The following MRM2 variants were observed in gnomAD, a reference collection of about 807,000 sequenced individuals.
MRM2 encodes the protein rRNA methyltransferase 2, mitochondrial.
A neutral mutation model predicts 10.9 loss-of-function variants in MRM2; 15 were observed. That is an observed-to-expected ratio of 1.37 (90% CI 0.92 to 2.11). The LOEUF (loss-of-function observed/expected upper bound fraction) is 2.11, where lower values mean the gene tolerates loss of function less well. Among genes scored for constraint, MRM2 ranks in the 30% most tolerant of loss-of-function variants. The probability of loss-of-function intolerance (pLI) is 0.00; values close to 1 mark genes in which losing one functional copy is unlikely to be tolerated. For missense variants in MRM2, 328 were observed against 321.3 expected, an observed-to-expected ratio of 1.02 and a Z score of -0.16; for synonymous variants, 139 against 128.7, an observed-to-expected ratio of 1.08 and a Z score of -0.54.
In MRM2 at chr7:2,242,188, C is replaced by A; in HGVS notation, c.-19G>T. On this transcript the variant is annotated 5_prime_UTR_variant, in exon 1 of 3. Transcript: ENST00000242257. ...CCGCCATTGGTGTTCCCCGCGCCTG[C>A]AGCGCGCCGCCGGAAGTGCCTGGCC... is the stretch of plus-strand genomic sequence containing the variant. 2 of 1,576,582 alleles carry A rather than the reference C, an allele frequency of 1.3e-6. No individual in the cohort carries two copies. Among genetic ancestry groups the A allele is most frequent in the Non-Finnish European group, 1.7e-6 (2 of 1,167,030 alleles).
intron 1 of MRM2, 43 bp downstream of exon 1, chr7:2,242,119 C>T (rs117572262): frequency 0.038 from 59,249 of 1,579,684 alleles, 1,342 homozygotes; most frequent in South Asian, 0.059. Context: ...GGACCCCCAA[C>T]CACTCCCGCT....
rs552243954 is a variant in MRM2 at position 2,234,295 on chromosome 7, T to C, written c.*827A>G. The stretch of plus-strand genomic sequence containing the variant: ...ATAAACACACCACATCACTGCTTGC[T>C]TTGGCAATTACATTTATGTTCTTGG... On this transcript the variant is annotated 3_prime_UTR_variant, in exon 3 of 3. Transcript: ENST00000242257. 6.6e-6 allele frequency: 1 copy of C among 152,362 alleles called. No individual in the cohort carries two copies. Among genetic ancestry groups the C allele is most frequent in the Admixed American group, 6.5e-5 (1 of 15,302 alleles). The allele number at this position is 152,362 out of a possible 1,614,324, so 9.4% of individuals were successfully genotyped here. A position where few individuals can be genotyped will look rare whatever the true frequency, so the allele number is the denominator to read the frequency against.
chr7:2,239,570 A>T lies in MRM2; in HGVS notation c.146T>A (p.Val49Glu), dbSNP rs747684401. The change falls in exon 2 of 3, where the codon GTG (valine) becomes GAG (glutamate). Residue 49 changes from valine to glutamate, a missense_variant. By Grantham distance (121) the Val-to-Glu change is moderately radical. Transcript: ENST00000242257. ...LRDPFVKAAKVESYRCRSAFK... is the reference protein window; with the variant it reads ...LRDPFVKAAKEESYRCRSAFK... ...GGCGCTTCGACACCGGTAACTCTCCACCTTCGCAGCCTTCACAAATGGGTC... is the reference window on the plus strand; with the variant it reads ...GGCGCTTCGACACCGGTAACTCTCCTCCTTCGCAGCCTTCACAAATGGGTC... The T allele has an allele frequency of 6.2e-7, 1 of 1,613,918 alleles. No individual in the cohort carries two copies. The highest frequency in any genetic ancestry group is 1.1e-5 in the South Asian group (1 of 91,076).
At chr7:2,236,987 T>C (rs1009573006) in intron 2 of MRM2, among the ~76,000 whole-genome samples, 1 of 152,178 alleles carries the variant, frequency 6.6e-6, no homozygotes, top group African/African-American at 2.4e-5. Context: ...TTTAGCAAAC[T>C]GGTGTTACTC....
At chr7:2,237,556 G>A (rs531404439) in intron 2 of MRM2, among the ~76,000 whole-genome samples, 2 of 152,254 alleles carry the variant, frequency 1.3e-5, no homozygotes, top group South Asian at 2.1e-4. Flanking sequence ...AGGACTCCAC[G>A]GTGATAAGCT....
chr7:2,237,249 T>C (rs1400197723), intron 2 of MRM2, among the ~76,000 whole-genome samples: 1 of 152,332 alleles, frequency 6.6e-6, no homozygotes, highest in Non-Finnish European at 1.5e-5. Context: ...ATCCTCCCCT[T>C]GGCCTCCCAA....
In MRM2 at chr7:2,242,149, G is replaced by A. The variant is rs1171394005; in HGVS notation, c.8+13C>T. 17 of 1,583,216 alleles carry A rather than the reference G, an allele frequency of 1.1e-5. No homozygotes were observed. The highest frequency in any genetic ancestry group is 1.5e-5 in the Non-Finnish European group (17 of 1,168,824). Reference sequence around the variant, plus strand: ...CCCGCTGTCTGCACGCGCAGCAGCAGCGCCCAGCTCACCCCGCCATTGGTG... The same window carrying A: ...CCCGCTGTCTGCACGCGCAGCAGCAACGCCCAGCTCACCCCGCCATTGGTG... On this transcript the variant is annotated intron_variant, in intron 1 of 2. Coordinates refer to ENST00000242257, the MANE Select transcript of MRM2 (RefSeq NM_013393.3).
chr7:2,239,558 C>T lies in MRM2; in HGVS notation c.158G>A (p.Arg53Gln), dbSNP rs765932500. The change falls in exon 2 of 3, where the codon CGG becomes CAG. Residue 53 changes from arginine (R) to glutamine (Q), a missense_variant. Physicochemically the swap from Arg to Gln is conservative, Grantham distance 43 (BLOSUM62 1). Transcript: ENST00000242257. Reference sequence around the variant, plus strand: ...CAGGAGCTTGAAGGCGCTTCGACACCGGTAACTCTCCACCTTCGCAGCCTT... The same window carrying T: ...CAGGAGCTTGAAGGCGCTTCGACACTGGTAACTCTCCACCTTCGCAGCCTT... Reference protein sequence around the residue: ...FVKAAKVESYRCRSAFKLLEV... With the variant: ...FVKAAKVESYQCRSAFKLLEV... 1.1e-5 allele frequency: 18 copies of T among 1,613,922 alleles called. No individual in the cohort carries two copies. In the African/African-American group the frequency reaches 1.2e-4, roughly 11 times the overall value.
rs929019706 is a variant in MRM2 at position 2,234,262 on chromosome 7, A to C, written c.*860T>G. 6.6e-6 allele frequency: 1 copy of C among 152,220 alleles called. No individual in the cohort carries two copies. 9.4% of individuals were successfully genotyped at this position (152,220 alleles called of 1,614,324 possible). A position where few individuals can be genotyped will look rare whatever the true frequency, so the allele number is the denominator to read the frequency against. ...AGCTGCGTCAAGTTCCTAGATGAGT[A>C]AAAGAAAATAAACACACCACATCAC... On this transcript the variant is annotated 3_prime_UTR_variant, in exon 3 of 3. Transcript: ENST00000242257.
Position 2,239,684 on chromosome 7 carries a change from GA to G in MRM2, c.31del (p.Ser11ProfsTer25), listed in dbSNP as rs1562402178. 1 of 1,612,882 alleles carries G rather than the reference GA, an allele frequency of 6.2e-7. No homozygotes were observed. On this transcript the variant is annotated frameshift_variant, in exon 2 of 3. Transcript: ENST00000242257. LOFTEE classifies it high-confidence loss of function. The part of the protein sequence containing the change: MAGYLKLVCV[S>X]FQRQGFHTVG... ...AGTGTGGAACCCTTGACGCTGAAAG[GA>G]AACACACACCAGCTTCAAGTACCTG... is the stretch of plus-strand genomic sequence containing the variant.
In MRM2 at chr7:2,235,263, T is replaced by G. The variant is rs1206474181; in HGVS notation, c.600A>C (p.Gln200His). Reference protein sequence around the residue: ...TFLCKTWAGSQSRRLQRRLTE... With the variant: ...TFLCKTWAGSHSRRLQRRLTE... The stretch of plus-strand genomic sequence containing the variant: ...TCAGTCTCCTCTGTAACCGACGGCT[T>G]TGACTTCCAGCCCAGGTTTTACAAA... Residue 200 changes from glutamine (Q) to histidine (H), a missense_variant, in exon 3 of 3, where the codon CAA becomes CAC. Physicochemically the swap from Gln to His is conservative, Grantham distance 24. Coordinates refer to ENST00000242257, the MANE Select transcript of MRM2 (RefSeq NM_013393.3). 6.2e-7 allele frequency: 1 copy of G among 1,614,182 alleles called. No homozygotes were observed. The highest frequency in any genetic ancestry group is 2.2e-5 in the East Asian group (1 of 44,886).
intron 1 of MRM2, chr7:2,241,913 C>T (rs150588075): frequency 2.2e-6 from 1 of 460,054 alleles, no homozygotes; most frequent in South Asian, 3.6e-5. Context: ...CTGCGCCCCC[C>T]ACCTGGACTC....
chr7:2,236,828 G>A (rs1794426768), intron 2 of MRM2, among the ~76,000 whole-genome samples: 2 of 152,122 alleles, frequency 1.3e-5, no homozygotes, highest in East Asian at 3.9e-4. Flanking sequence ...TCAGTGGAGG[G>A]GACTGTTGGG....
Position 2,235,413 on chromosome 7 carries a change from C to T in MRM2, c.450G>A (p.Val150=), listed in dbSNP as rs749169728. ...CATTGGGCGCCATGTCGCTCAGAAT[C>T]ACATCTGCTCTCCTGCCAGGAAGCA... ...LEVLPGRRAD[V]ILSDMAPNAT... is the part of the protein sequence containing the mutation. Residue 150 remains valine (V), a synonymous_variant, in exon 3 of 3, where the codon GTG becomes GTA. Coordinates refer to ENST00000242257, the MANE Select transcript of MRM2 (RefSeq NM_013393.3). 1 of 1,614,100 alleles carries T rather than the reference C, an allele frequency of 6.2e-7. No individual in the cohort carries two copies.
At chr7:2,239,375 C>A in intron 2 of MRM2, 43 bp downstream of exon 2, 1 of 1,573,190 alleles carries the variant, frequency 6.4e-7, no homozygotes, top group Non-Finnish European at 8.6e-7. Context: ...CCCACTCAGC[C>A]TCAGGGGAGC....
Position 2,235,545 on chromosome 7 carries a change from GC to G in MRM2, c.317del (p.Gly106AlafsTer6), listed in dbSNP as rs1794406439. ...GAAGAAGATCTACCCCAAGCACGAA[GC>G]CAACAGGAGAGCTGGGATCTATGGA... The part of the protein sequence containing the change: ...AAGTDPSSPV[G>X]FVLGVDLLHI... On this transcript the variant is annotated frameshift_variant, in exon 3 of 3. Coordinates refer to ENST00000242257, the MANE Select transcript of MRM2 (RefSeq NM_013393.3). LOFTEE classifies it low-confidence loss of function (END_TRUNC). The G allele has an allele frequency of 6.2e-7, 1 of 1,610,210 alleles. No homozygotes were observed. Among genetic ancestry groups the G allele is most frequent in the South Asian group, 1.1e-5 (1 of 91,010 alleles).
chr7:2,237,134 G>A (rs1189221907), intron 2 of MRM2, among the ~76,000 whole-genome samples: 4 of 152,180 alleles, frequency 2.6e-5, no homozygotes, highest in Non-Finnish European at 1.5e-5. Context: ...AGCTTCCCAA[G>A]GAGCTAGGAC....
intron 1 of MRM2, chr7:2,241,409 T>C (rs1794534703): frequency 6.6e-6 from 1 of 151,972 alleles, no homozygotes; most frequent in South Asian, 2.1e-4. Flanking sequence ...GCCTCCTGAG[T>C]AGCTGGGACT....
At chr7:2,239,861 C>T (rs1322982620) in intron 1 of MRM2, among the ~76,000 whole-genome samples, 154 bp from the exon 2 acceptor site, 1 of 152,204 alleles carries the variant, frequency 6.6e-6, no homozygotes, top group Non-Finnish European at 1.5e-5. Context: ...AGATGGAAAG[C>T]AGGCATCACA....
Sources: gnomAD v4.1 joint callset for allele counts (sites outside exome capture counted in the v4.1 genomes callset) on GRCh38, gnomAD v4.1.1 for gene constraint, MANE v1.5 for transcripts, NCBI Gene and HGNC (gene_info 2026-07-23, HGNC 2026-07-21) for gene names.